The following LRP1B variants were observed in gnomAD, a reference collection of about 807,000 sequenced individuals.
LRP1B encodes LDL receptor related protein 1B, also known as low-density lipoprotein receptor-related protein 1B.
Under a neutral mutation model 556.6 loss-of-function variants are expected in LRP1B, and 217 were observed. The ratio of observed to expected loss-of-function variants is 0.39; its 90% CI spans 0.35 to 0.44. The LOEUF is 0.44. Ranked by LOEUF, LRP1B falls within the 20% of genes least tolerant of loss-of-function variation. LRP1B has a pLI of 1.00. For synonymous variants in LRP1B, 2,047 were observed against 1,865.8 expected (o/e 1.10, Z -2.50); for missense variants, 5,053 against 5,620.8 (o/e 0.90, Z 3.23).
chr2:140,291,553 A>C (rs1370144350), intron 84 of LRP1B, among the ~76,000 whole-genome samples: 1 of 151,598 alleles, frequency 6.6e-6, no homozygotes, highest in Non-Finnish European at 1.5e-5. Context: ...GACTGAGAAC[A>C]TGCAGCGTTT....
chr2:141,661,433 T>C (rs1304672546), intron 2 of LRP1B, among the ~76,000 whole-genome samples: 4 of 152,126 alleles, frequency 2.6e-5, no homozygotes, highest in Non-Finnish European at 5.9e-5. Flanking sequence ...AGAACCATGA[T>C]AAAACATTAC....
intron 1 of LRP1B, among the ~76,000 whole-genome samples, chr2:141,843,252 T>C (rs925592098): frequency 2.0e-5 from 3 of 152,164 alleles, no homozygotes; most frequent in East Asian, 1.9e-4. Flanking sequence ...AATATTTATA[T>C]AGGACAATGT....
intron 2 of LRP1B, among the ~76,000 whole-genome samples, chr2:141,687,593 A>G (rs1056525882): frequency 1.3e-5 from 2 of 151,966 alleles, no homozygotes; most frequent in Non-Finnish European, 2.9e-5. Flanking sequence ...TTTGGTTTTT[A>G]TTAAGATAGA....
intron 3 of LRP1B, among the ~76,000 whole-genome samples, chr2:141,329,413 G>A (rs1381347593): frequency 2.0e-5 from 3 of 146,802 alleles, no homozygotes; most frequent in East Asian, 4.0e-4. Context: ...GGGAGGCCGA[G>A]GCTGGTGGAT....
At chr2:141,044,638 G>C (rs1263039269) in intron 11 of LRP1B, among the ~76,000 whole-genome samples, 1 of 151,920 alleles carries the variant, frequency 6.6e-6, no homozygotes, top group Non-Finnish European at 1.5e-5. Flanking sequence ...CTCAAAAGAA[G>C]ACATTTATGC....
At chr2:140,489,030 G>T (rs1688593184) in intron 57 of LRP1B, among the ~76,000 whole-genome samples, 1 of 151,960 alleles carries the variant, frequency 6.6e-6, no homozygotes, top group Admixed American at 6.6e-5. Context: ...TAAGAGACAA[G>T]CCAAGGCTAA....
At chr2:141,991,615 A>C (rs1020253444) in intron 1 of LRP1B, among the ~76,000 whole-genome samples, 7 of 152,204 alleles carry the variant, frequency 4.6e-5, no homozygotes, top group Admixed American at 4.6e-4. Flanking sequence ...GCCTGTATAC[A>C]TCAGCCTTAA....
chr2:141,459,034 C>T (rs186671524), intron 3 of LRP1B, among the ~76,000 whole-genome samples: 42 of 152,246 alleles, frequency 2.8e-4, no homozygotes, highest in Admixed American at 2.2e-3. Context: ...TCCAGAAACA[C>T]CCTGATTCAC....
At chr2:141,115,381 T>G (rs576483764) in intron 7 of LRP1B, among the ~76,000 whole-genome samples, 1 of 152,068 alleles carries the variant, frequency 6.6e-6, no homozygotes, top group East Asian at 1.9e-4. Flanking sequence ...TTTTCTGAGG[T>G]TGCAGGCTCA....
chr2:141,087,531 G>C (rs1398957979), intron 7 of LRP1B, among the ~76,000 whole-genome samples: 1 of 152,178 alleles, frequency 6.6e-6, no homozygotes, highest in Non-Finnish European at 1.5e-5. Flanking sequence ...CCTACTAGGA[G>C]ACAGCAATGT....
intron 2 of LRP1B, among the ~76,000 whole-genome samples, chr2:141,626,192 G>A (rs1038677145): frequency 9.9e-5 from 15 of 152,078 alleles, no homozygotes; most frequent in African/African-American, 3.1e-4. Flanking sequence ...TGACAAAGGA[G>A]CAAAGGCAAT....
chr2:141,865,215 C>G (rs1304632504), intron 1 of LRP1B, among the ~76,000 whole-genome samples: 3 of 152,142 alleles, frequency 2.0e-5, no homozygotes, highest in Non-Finnish European at 4.4e-5. Context: ...CTTCCCCACT[C>G]TACTTTGTGA....
intron 2 of LRP1B, among the ~76,000 whole-genome samples, chr2:141,488,503 T>G (rs1683200078): frequency 6.6e-6 from 1 of 152,126 alleles, no homozygotes; most frequent in Admixed American, 6.6e-5. Context: ...CTGAAGTAAT[T>G]GATTACTTCT....
chr2:141,078,770 C>G (rs756467324), intron 7 of LRP1B, among the ~76,000 whole-genome samples: 1 of 152,036 alleles, frequency 6.6e-6, no homozygotes, highest in Non-Finnish European at 1.5e-5. Context: ...CCAGAATTTA[C>G]AAATGGTAAA....
intron 6 of LRP1B, among the ~76,000 whole-genome samples, chr2:141,228,729 G>A (rs188858635): frequency 4.6e-5 from 7 of 152,194 alleles, no homozygotes; most frequent in Admixed American, 2.6e-4. Context: ...GGAAGAGGAT[G>A]TATAAAAATT....
chr2:141,407,364 A>C (rs1573910097), intron 3 of LRP1B, among the ~76,000 whole-genome samples: 1 of 152,168 alleles, frequency 6.6e-6, no homozygotes, highest in African/African-American at 2.4e-5. Flanking sequence ...AGCAAAAAAA[A>C]CATAAAAAGG....
At chr2:141,259,109 G>A (rs300406) in intron 3 of LRP1B, among the ~76,000 whole-genome samples, 60,369 of 151,884 alleles carry the variant, frequency 0.4, 12,021 homozygotes, top group South Asian at 0.5. Flanking sequence ...AAGACTTCTA[G>A]GCCATTTGAT....
At chr2:141,720,997 G>A (rs1405448411) in intron 2 of LRP1B, among the ~76,000 whole-genome samples, 1 of 152,084 alleles carries the variant, frequency 6.6e-6, no homozygotes, top group Non-Finnish European at 1.5e-5. Context: ...CTAGGAGGAT[G>A]CTTTGGTTGT....
rs1048004012 is a variant in LRP1B, at chr2:140,277,980, C to G, written c.12968-3382G>C. Reference sequence around the variant, plus strand: ...CCCAAATTTTAAGAAATCCAAATGTCTGTCCCAAGAATGGATAAACTATGT... The same window carrying G: ...CCCAAATTTTAAGAAATCCAAATGTGTGTCCCAAGAATGGATAAACTATGT... On this transcript the variant is annotated intron_variant, in intron 84 of 90. Transcript: ENST00000389484. Among the ~76,000 whole-genome samples, 4 of 151,702 alleles carry G rather than the reference C, an allele frequency of 2.6e-5. No homozygotes were observed. The East Asian group carries it at 5.8e-4, about 22-fold the overall frequency.
Sources: allele counts gnomAD v4.1 joint callset (sites outside exome capture counted in the v4.1 genomes callset), GRCh38; gene constraint gnomAD v4.1.1; transcripts MANE v1.5; gene names NCBI Gene and HGNC (gene_info 2026-07-23, HGNC 2026-07-21).